Variants in EIF4E3 observed in about 807,000 individuals in gnomAD.
The protein encoded by EIF4E3 is eukaryotic translation initiation factor 4E type 3.
A neutral mutation model predicts 31.7 loss-of-function variants in EIF4E3; 26 were observed. The ratio of observed to expected loss-of-function variants is 0.82; its 90% CI spans 0.60 to 1.14. The LOEUF (loss-of-function observed/expected upper bound fraction) is 1.14. Ranked by LOEUF, EIF4E3 falls within the 50% of genes most tolerant of loss-of-function variation. The probability of loss-of-function intolerance (pLI) is 0.00; values close to 1 mark genes in which losing one functional copy is unlikely to be tolerated. For synonymous variants in EIF4E3, 128 were observed against 107.7 expected (o/e 1.19, Z -1.17); for missense variants, 304 against 270.9 (o/e 1.12, Z -0.86).
Position 71,683,031 on chromosome 3 carries a change from G to C in EIF4E3, c.*1651C>G, listed in dbSNP as rs2048942388. On this transcript the variant is annotated 3_prime_UTR_variant, in exon 7 of 7. Transcript: ENST00000425534. ...TTGGAGAAACAAGTCCTAGGCTTTT[G>C]CTAACTGGATCTGATATTCTTATAC... is the stretch of plus-strand genomic sequence containing the variant. 6.6e-6 allele frequency: 1 copy of C among 151,878 alleles called. No individual in the cohort carries two copies. Among genetic ancestry groups the C allele is most frequent in the Admixed American group, 6.6e-5 (1 of 15,228 alleles). The allele number at this position is 151,878 out of a possible 1,614,324, so 9.4% of individuals were successfully genotyped here.
At chr3:71,691,256 A>T (rs1473761005) in intron 5 of EIF4E3, among the ~76,000 whole-genome samples, 2 of 152,208 alleles carry the variant, frequency 1.3e-5, no homozygotes, top group African/African-American at 4.8e-5. Flanking sequence ...AAATCTAAAT[A>T]TTCATGCCAT....
chr3:71,697,126 C>T (rs548238069), intron 3 of EIF4E3, among the ~76,000 whole-genome samples: 29 of 152,290 alleles, frequency 1.9e-4, no homozygotes, highest in South Asian at 1.0e-3. Context: ...AGCAATCCTC[C>T]GCCCTCAGCC....
At chr3:71,665,125 C>T in the EIF4E3 span, among the ~76,000 whole-genome samples, 1 of 152,204 alleles carries the variant, frequency 6.6e-6, no homozygotes, top group Non-Finnish European at 1.5e-5. Flanking sequence ...CATGGTGACC[C>T]TCTTCTACTT....
chr3:71,719,262 G>A (rs953795777), intron 1 of EIF4E3, among the ~76,000 whole-genome samples: 2 of 152,182 alleles, frequency 1.3e-5, no homozygotes, highest in Admixed American at 6.5e-5. Flanking sequence ...ATGGTGACTG[G>A]TAAATAATAT....
chr3:71,699,712 T>C lies in EIF4E3; in HGVS notation c.250-4A>G. The C allele has an allele frequency of 6.2e-7, 1 of 1,608,602 alleles. No homozygotes were observed. Among genetic ancestry groups the C allele is most frequent in the Non-Finnish European group, 8.5e-7 (1 of 1,176,574 alleles). On this transcript the variant is annotated splice_region_variant and splice_polypyrimidine_tract_variant and intron_variant, in intron 2 of 6. Transcript: ENST00000425534. ...TATTGTATACACTCCAAAATATCTT[T>C]AAAAGAAAAACAAACACTTTGTTTA...
intron 1 of EIF4E3, among the ~76,000 whole-genome samples, chr3:71,751,644 C>T (rs1054869109): frequency 2.6e-5 from 4 of 152,204 alleles, no homozygotes; most frequent in Non-Finnish European, 5.9e-5. Context: ...CCCTCCCTTG[C>T]TCAAGTGCTC....
chr3:71,697,068 T>C (rs11128221), intron 3 of EIF4E3, among the ~76,000 whole-genome samples: 31,184 of 151,464 alleles, frequency 0.21, 3,693 homozygotes, highest in African/African-American at 0.33. Context: ...CAGGCTGGAG[T>C]GCAGTGGCAT....
chr3:71,662,047 T>C, the EIF4E3 span, among the ~76,000 whole-genome samples: 1 of 152,156 alleles, frequency 6.6e-6, no homozygotes, highest in African/African-American at 2.4e-5. Context: ...TGGCACAGGG[T>C]CCATGCTTGA....
the EIF4E3 span, among the ~76,000 whole-genome samples, chr3:71,660,478 G>A: frequency 6.6e-6 from 1 of 152,170 alleles, no homozygotes; most frequent in Non-Finnish European, 1.5e-5. Context: ...AGAACATCTT[G>A]CCCACCAAAC....
upstream of EIF4E3, among the ~76,000 whole-genome samples, chr3:71,727,803 T>C (rs2049658279): frequency 6.6e-6 from 1 of 152,234 alleles, no homozygotes; most frequent in Non-Finnish European, 1.5e-5. Flanking sequence ...CTAGTCAAAC[T>C]GTCAAGTTTA....
At chr3:71,729,798 A>ATGTGTGTGTGTGTGTGTGTGTGTG (rs3066626), upstream of EIF4E3, among the ~76,000 whole-genome samples, 49 of 129,774 alleles carry the variant, frequency 3.8e-4, 2 homozygotes, top group Admixed American at 2.0e-3. Flanking sequence ...TTCCAATAGA[A>ATGTGTGTGTGTGTGTGTGTGTGTG]TGTGTGTGTG....
chr3:71,716,220 G>T (rs2108095930), intron 1 of EIF4E3, among the ~76,000 whole-genome samples: 1 of 151,892 alleles, frequency 6.6e-6, no homozygotes. Flanking sequence ...GAAGTGAAGT[G>T]CTTGAAAGCA....
the EIF4E3 span, among the ~76,000 whole-genome samples, chr3:71,668,639 A>G: frequency 6.6e-6 from 1 of 152,188 alleles, no homozygotes; most frequent in African/African-American, 2.4e-5. Context: ...CAAACATATG[A>G]AAAAAAGCTC....
chr3:71,741,551 T>C (rs1037935200), intron 1 of EIF4E3, among the ~76,000 whole-genome samples: 1 of 152,108 alleles, frequency 6.6e-6, no homozygotes, highest in Non-Finnish European at 1.5e-5. Context: ...CAAGGAGAAA[T>C]ACAAATCCAG....
At chr3:71,693,351 C>A (rs1014681418) in intron 5 of EIF4E3, among the ~76,000 whole-genome samples, 2 of 152,152 alleles carry the variant, frequency 1.3e-5, no homozygotes, top group African/African-American at 4.8e-5. Context: ...TAATGGTGAG[C>A]ATGTCCCCAC....
chr3:71,706,821 T>G (rs2108067307), intron 2 of EIF4E3, among the ~76,000 whole-genome samples: 1 of 152,072 alleles, frequency 6.6e-6, no homozygotes, highest in Middle Eastern at 3.4e-3. Context: ...AGACCCTGTT[T>G]CTGAAGAAAA....
intron 1 of EIF4E3, among the ~76,000 whole-genome samples, chr3:71,717,636 G>T (rs754360409): frequency 1.7e-4 from 26 of 152,248 alleles, no homozygotes; most frequent in Middle Eastern, 3.4e-3. Context: ...TGAGAGAATT[G>T]TGTCCCATCT....
downstream of EIF4E3, among the ~76,000 whole-genome samples, chr3:71,674,016 T>C (rs2048859606): frequency 7.1e-6 from 1 of 140,154 alleles, no homozygotes; most frequent in Admixed American, 7.4e-5. Flanking sequence ...GTGTCTGCAA[T>C]CCAAGATGGA....
rs142978590 is a variant in EIF4E3, at chr3:71,708,444, G to C, written c.249+1968C>G. ...TATACTTAAGAAATCTACATTTACT[G>C]TATACAAATTATATCCCAATAAAGT... is the stretch of plus-strand genomic sequence containing the variant. On this transcript the variant is annotated intron_variant, in intron 2 of 6. Transcript: ENST00000425534. 3.2e-3 allele frequency among the ~76,000 whole-genome samples: 486 copies of C among 152,210 alleles called. 4 individuals carry two copies. Among genetic ancestry groups the C allele is most frequent in the African/African-American group, 0.011 (468 of 41,514 alleles).
Sources: gnomAD v4.1 joint callset for allele counts (sites outside exome capture counted in the v4.1 genomes callset) on GRCh38, gnomAD v4.1.1 for gene constraint, MANE v1.5 for transcripts, NCBI Gene and HGNC (gene_info 2026-07-23, HGNC 2026-07-21) for gene names.